Variants in TMTC2 observed in about 807,000 individuals in gnomAD.
TMTC2 encodes protein O-mannosyl-transferase TMTC2.
TMTC2 carries 43 observed loss-of-function variants against 82.4 expected under a neutral mutation model. The ratio of observed to expected loss-of-function variants is 0.52; its 90% CI spans 0.41 to 0.67. The LOEUF is 0.67. Among genes scored for constraint, TMTC2 ranks in the 30% least tolerant of loss-of-function variants. The pLI is 0.00. For synonymous variants in TMTC2, 408 were observed against 381.9 expected (o/e 1.07, Z -0.80); for missense variants, 919 against 1,012.4 (o/e 0.91, Z 1.25).
At chr12:82,797,162 T>TA (rs1486479322) in intron 1 of TMTC2, among the ~76,000 whole-genome samples, 1 of 152,158 alleles carries the variant, frequency 6.6e-6, no homozygotes, top group Non-Finnish European at 1.5e-5. Flanking sequence ...ATTGCCATTT[T>TA]AAAAAACATA....
At position 82,957,588 on chromosome 12, in the gene TMTC2, T is replaced by C. The variant is rs568008442; in HGVS notation, c.1599-7436T>C. Among the ~76,000 whole-genome samples, 5 of 151,984 alleles carry C rather than the reference T, an allele frequency of 3.3e-5. No homozygotes were observed. The East Asian group carries it at 7.8e-4, about 24-fold the overall frequency. On this transcript the variant is annotated intron_variant, in intron 4 of 11. Transcript: ENST00000321196. ...CTAAAAGAATCAATGAACCCAAAAG[T>C]TGGTTTTTTTAAAGGATAAAGAAGA...
At chr12:82,791,381 T>C (rs1473423861) in intron 1 of TMTC2, among the ~76,000 whole-genome samples, 4 of 152,114 alleles carry the variant, frequency 2.6e-5, no homozygotes, top group Non-Finnish European at 4.4e-5. Flanking sequence ...GTTATATATA[T>C]TTCCATAAGT....
At chr12:82,705,417 T>C (rs763023080) in intron 1 of TMTC2, among the ~76,000 whole-genome samples, 3 of 152,168 alleles carry the variant, frequency 2.0e-5, no homozygotes, top group Non-Finnish European at 4.4e-5. Context: ...ACATTGTAGA[T>C]TGTTTTGTAG....
intron 11 of TMTC2, among the ~76,000 whole-genome samples, chr12:83,083,671 G>T (rs1475273436): frequency 1.3e-5 from 2 of 152,154 alleles, no homozygotes; most frequent in Non-Finnish European, 2.9e-5. Flanking sequence ...CCAACTTCTT[G>T]TGCTTTCGTA....
intron 11 of TMTC2, among the ~76,000 whole-genome samples, chr12:83,086,740 A>G (rs1046549298): frequency 3.9e-5 from 6 of 152,216 alleles, no homozygotes; most frequent in Non-Finnish European, 8.8e-5. Flanking sequence ...TTCAATAAAC[A>G]TGATGTTTAA....
At chr12:83,076,425 T>C (rs1245943761) in intron 11 of TMTC2, among the ~76,000 whole-genome samples, 1 of 152,234 alleles carries the variant, frequency 6.6e-6, no homozygotes, top group African/African-American at 2.4e-5. Flanking sequence ...GGGTATCTTT[T>C]GCATGGAGTT....
At chr12:82,850,114 A>T (rs1472309731) in intron 1 of TMTC2, among the ~76,000 whole-genome samples, 2 of 152,058 alleles carry the variant, frequency 1.3e-5, no homozygotes, top group Non-Finnish European at 2.9e-5. Context: ...GATGTGGGCT[A>T]TTCTTAAAAA....
chr12:83,058,349 A>G (rs1225548295), intron 10 of TMTC2, among the ~76,000 whole-genome samples: 2 of 151,912 alleles, frequency 1.3e-5, no homozygotes, highest in African/African-American at 2.4e-5. Context: ...GACTTAAAAT[A>G]TAATCAACTC....
chr12:82,801,779 A>G (rs1879017265), intron 1 of TMTC2, among the ~76,000 whole-genome samples: 1 of 152,116 alleles, frequency 6.6e-6, no homozygotes, highest in African/African-American at 2.4e-5. Context: ...AGATCCTCCA[A>G]GTCCCCACCA....
At chr12:82,997,772 T>C (rs1405297082) in intron 8 of TMTC2, among the ~76,000 whole-genome samples, 1 of 151,830 alleles carries the variant, frequency 6.6e-6, no homozygotes, top group Non-Finnish European at 1.5e-5. Flanking sequence ...CTTCTAGATG[T>C]CCTTTGAAAA....
intron 1 of TMTC2, among the ~76,000 whole-genome samples, chr12:82,730,865 C>T (rs1052060572): frequency 1.3e-5 from 2 of 152,152 alleles, no homozygotes; most frequent in African/African-American, 4.8e-5. Flanking sequence ...GAGGTAAAAT[C>T]AAACGGGTAT....
At chr12:82,798,569 G>C (rs911709652) in intron 1 of TMTC2, among the ~76,000 whole-genome samples, 12 of 151,482 alleles carry the variant, frequency 7.9e-5, no homozygotes, top group Non-Finnish European at 2.9e-5. Flanking sequence ...GCTTTGGGAG[G>C]CCGAGGTGGT....
Position 82,985,876 on chromosome 12 carries a change from G to A in TMTC2, c.1949-49G>A, listed in dbSNP as rs772342263. The A allele has an allele frequency of 5.7e-6, 9 of 1,589,752 alleles. No individual in the cohort carries two copies. The East Asian group carries it at 1.8e-4, about 32-fold the overall frequency. On this transcript the variant is annotated intron_variant, in intron 7 of 11. Transcript: ENST00000321196. ...ATGATGATGCTGTTGCAAATAATGT[G>A]GAAAAGCTGTATCCTCCCTTTGACC...
chr12:82,921,085 G>T (rs1387477605), intron 3 of TMTC2, among the ~76,000 whole-genome samples: 2 of 151,850 alleles, frequency 1.3e-5, no homozygotes, highest in African/African-American at 4.8e-5. Flanking sequence ...TTACTACTGA[G>T]GGTTTTTTTT....
chr12:82,982,596 G>C (rs533872687), intron 7 of TMTC2, among the ~76,000 whole-genome samples: 12 of 151,746 alleles, frequency 7.9e-5, no homozygotes, highest in Admixed American at 3.3e-4. Context: ...TTACATATGC[G>C]TAGAAAGCAG....
chr12:82,811,574 A>G (rs903971843), intron 1 of TMTC2, among the ~76,000 whole-genome samples: 5 of 152,002 alleles, frequency 3.3e-5, no homozygotes, highest in Non-Finnish European at 7.4e-5. Context: ...AATTGTTTAA[A>G]GCTTTAGTAT....
chr12:82,951,847 C>A (rs909954976), intron 4 of TMTC2, among the ~76,000 whole-genome samples: 2 of 152,022 alleles, frequency 1.3e-5, no homozygotes, highest in African/African-American at 4.8e-5. Context: ...ATCCAAAACA[C>A]TCTTAGTTAA....
chr12:82,759,644 A>C (rs1191043504), intron 1 of TMTC2: 1 of 152,248 alleles, frequency 6.6e-6, no homozygotes, highest in Non-Finnish European at 1.5e-5. Flanking sequence ...TAAAAACTGC[A>C]CTTGACTCTT....
chr12:82,857,745 C>T (rs1280622188), intron 2 of TMTC2, among the ~76,000 whole-genome samples, 165 bp downstream of exon 2: 1 of 152,140 alleles, frequency 6.6e-6, no homozygotes, highest in African/African-American at 2.4e-5. Context: ...TTGTACTAAG[C>T]AGGGTTTTAG....
Sources: gnomAD v4.1 joint callset for allele counts (sites outside exome capture counted in the v4.1 genomes callset) on GRCh38, gnomAD v4.1.1 for gene constraint, MANE v1.5 for transcripts, NCBI Gene and HGNC (gene_info 2026-07-23, HGNC 2026-07-21) for gene names.